ABHD6: variants seen among roughly 807,000 people sequenced by gnomAD.
ABHD6 encodes the protein monoacylglycerol lipase ABHD6.
Under a neutral mutation model 38.8 loss-of-function variants are expected in ABHD6, and 33 were observed. That is an observed-to-expected ratio of 0.85 (90% confidence interval 0.64 to 1.14). The LOEUF is 1.14. ABHD6 is among the 50% of genes most tolerant of loss of function. ABHD6 has a pLI of 0.00. For synonymous variants in ABHD6, 147 were observed against 161.6 expected (o/e 0.91, Z 0.69); for missense variants, 380 against 422.6 (o/e 0.90, Z 0.88).
chr3:58,244,582 T>G (rs950283757), intron 1 of ABHD6, among the ~76,000 whole-genome samples: 1 of 151,944 alleles, frequency 6.6e-6, no homozygotes, highest in African/African-American at 2.4e-5. Context: ...CTGGGTAACA[T>G]AGAGAGACCC....
chr3:58,274,885 C>A, intron 7 of ABHD6, 70 bp downstream of exon 7: 1 of 1,527,042 alleles, frequency 6.5e-7, no homozygotes, highest in Non-Finnish European at 8.9e-7. Context: ...GCTTCCTGCA[C>A]GTATTCCCTC....
chr3:58,291,905 G>A (rs538635211), intron 9 of ABHD6, among the ~76,000 whole-genome samples: 18 of 152,242 alleles, frequency 1.2e-4, no homozygotes, highest in Non-Finnish European at 1.8e-4. Flanking sequence ...AGCCATGATC[G>A]TGCCACTGCA....
chr3:58,243,163 A>T (rs1257882569), intron 1 of ABHD6, among the ~76,000 whole-genome samples: 2 of 152,184 alleles, frequency 1.3e-5, no homozygotes, highest in Non-Finnish European at 2.9e-5. Flanking sequence ...GCTATTGTGA[A>T]TAGTGCTGCA....
At chr3:58,253,731 CAGA>C (rs2097431460) in intron 2 of ABHD6, among the ~76,000 whole-genome samples, 1 of 152,172 alleles carries the variant, frequency 6.6e-6, no homozygotes, top group Non-Finnish European at 1.5e-5. Context: ...GCTCTGGTTC[CAGA>C]AGGAGAAGCA....
intron 9 of ABHD6, among the ~76,000 whole-genome samples, chr3:58,288,315 G>A (rs1397373742): frequency 1.3e-5 from 2 of 152,174 alleles, no homozygotes; most frequent in African/African-American, 4.8e-5. Context: ...CACAGCTGCA[G>A]GGGGAGCCAT....
At position 58,265,451 on chromosome 3, in the gene ABHD6, G is replaced by T. The variant is rs1484433846; in HGVS notation, c.120-1738G>T. On this transcript the variant is annotated intron_variant, in intron 3 of 9. Coordinates refer to ENST00000478253, the MANE Select transcript of ABHD6 (RefSeq NM_001320126.2). This position sits in a 1 kb window ranked among gnomAD's most constrained non-coding sequence, Gnocchi z 4.2. ...TTTTTCCTTTTAATTTTTGGCAAAT[G>T]ATGTATTTGGAAGGACAAAATCATC... 1.3e-5 allele frequency among the ~76,000 whole-genome samples: 2 copies of T among 152,108 alleles called. No individual in the cohort carries two copies. The highest frequency in any genetic ancestry group is 6.6e-5 in the Admixed American group (1 of 15,264).
chr3:58,257,871 T>C lies in ABHD6; in HGVS notation c.119+1166T>C, dbSNP rs146441775. ...TCTTGTACCACTGTTATTATTCTTG[T>C]CCTATCTGGATACCACCTGTCCTTT... is the stretch of plus-strand genomic sequence containing the variant. On this transcript the variant is annotated intron_variant, in intron 3 of 9. Coordinates refer to ENST00000478253, the MANE Select transcript of ABHD6 (RefSeq NM_001320126.2). The surrounding 1 kb of genome is among the most constrained non-coding windows in gnomAD (Gnocchi z 4.8). 6.6e-6 allele frequency among the ~76,000 whole-genome samples: 1 copy of C among 152,180 alleles called. No individual in the cohort carries two copies. The highest frequency in any genetic ancestry group is 6.5e-5 in the Admixed American group (1 of 15,268).
At chr3:58,289,159 A>G (rs1311811068) in intron 9 of ABHD6, among the ~76,000 whole-genome samples, 3 of 152,168 alleles carry the variant, frequency 2.0e-5, no homozygotes, top group Admixed American at 1.3e-4. Flanking sequence ...AGCTCAAGCA[A>G]TGCTCCCACC....
intron 1 of ABHD6, among the ~76,000 whole-genome samples, chr3:58,248,445 C>G (rs1384492119): frequency 2.6e-5 from 4 of 152,184 alleles, no homozygotes; most frequent in Admixed American, 1.3e-4. Flanking sequence ...CGCCTGTAAT[C>G]CCAGCACTTT....
At chr3:58,275,424 G>A (rs1263696397) in intron 7 of ABHD6, among the ~76,000 whole-genome samples, 1 of 151,030 alleles carries the variant, frequency 6.6e-6, no homozygotes, top group Non-Finnish European at 1.5e-5. Context: ...CTGCCTCCCA[G>A]GTTCAAGCGA....
At chr3:58,258,980 A>G (rs768937872) in intron 3 of ABHD6, among the ~76,000 whole-genome samples, 11 of 152,160 alleles carry the variant, frequency 7.2e-5, no homozygotes, top group Non-Finnish European at 1.5e-4. Flanking sequence ...TTTGTGGGCT[A>G]AGGCTCCTGG....
rs2097420857 is a variant in ABHD6 at position 58,238,826 on chromosome 3, C to T, written c.-91+910C>T. Among the ~76,000 whole-genome samples, 1 of 152,120 alleles carries T rather than the reference C, an allele frequency of 6.6e-6. No homozygotes were observed. The highest frequency in any genetic ancestry group is 2.1e-4 in the South Asian group (1 of 4,824). ...ACCTGGAGGCCCTCATTTATCTCGC[C>T]GCCCCCCTCCCCGCTGCTCCCGCCT... On this transcript the variant is annotated intron_variant, in intron 1 of 9. Coordinates refer to ENST00000478253, the MANE Select transcript of ABHD6 (RefSeq NM_001320126.2). This position sits in a 1 kb window ranked among gnomAD's most constrained non-coding sequence, Gnocchi z 6.9.
intron 1 of ABHD6, among the ~76,000 whole-genome samples, chr3:58,244,864 A>G (rs2097425241): frequency 3.3e-5 from 5 of 152,222 alleles, no homozygotes. Flanking sequence ...TTTTATTTAG[A>G]TAAAGTACTA....
In ABHD6 at chr3:58,253,825, A is replaced by C. The variant is rs144031471; in HGVS notation, c.-25-2737A>C. On this transcript the variant is annotated intron_variant, in intron 2 of 9. Transcript: ENST00000478253. ...GGGCAATTGCATCAGAGACAAAGACAGTGCTTATGCCCTGGGAAGGTGGCA... is the reference window on the plus strand; with the variant it reads ...GGGCAATTGCATCAGAGACAAAGACCGTGCTTATGCCCTGGGAAGGTGGCA... Among the ~76,000 whole-genome samples the C allele has an allele frequency of 3.7e-4, 57 of 152,332 alleles. 1 individual carries two copies. The highest frequency in any genetic ancestry group is 1.4e-3 in the African/African-American group (57 of 41,580).
chr3:58,279,845 A>T (rs569831488), intron 7 of ABHD6, among the ~76,000 whole-genome samples: 123 of 152,252 alleles, frequency 8.1e-4, no homozygotes, highest in African/African-American at 2.9e-3. Context: ...TCCCTCACTT[A>T]TGAAGCTTAG....
chr3:58,243,723 C>T (rs556670441), intron 1 of ABHD6, among the ~76,000 whole-genome samples: 3 of 151,834 alleles, frequency 2.0e-5, no homozygotes, highest in African/African-American at 4.8e-5. Context: ...CGCAGTGGCA[C>T]GAACTTGGCT....
At chr3:58,242,163 CTGGGGGTTG>C (rs1256584273) in intron 1 of ABHD6, among the ~76,000 whole-genome samples, 4 of 152,046 alleles carry the variant, frequency 2.6e-5, no homozygotes, top group Non-Finnish European at 4.4e-5. Context: ...CACGGCATGT[CTGGGGGTTG>C]CAGATCATTA....
chr3:58,247,616 AC>A (rs1350734607), intron 1 of ABHD6, among the ~76,000 whole-genome samples: 1 of 152,064 alleles, frequency 6.6e-6, no homozygotes, highest in African/African-American at 2.4e-5. Flanking sequence ...TCGCTCTGTC[AC>A]CCAGGCTGGA....
chr3:58,264,212 C>A (rs1042274514), intron 3 of ABHD6, among the ~76,000 whole-genome samples: 1 of 152,116 alleles, frequency 6.6e-6, no homozygotes, highest in Non-Finnish European at 1.5e-5. Context: ...ATAACGCTGG[C>A]TGGAACACTT....
Sources: gnomAD v4.1 joint callset for allele counts (sites outside exome capture counted in the v4.1 genomes callset) on GRCh38, gnomAD v4.1.1 for gene constraint, Gnocchi (gnomAD v3.1) non-coding constraint, MANE v1.5 for transcripts, NCBI Gene and HGNC (gene_info 2026-07-23, HGNC 2026-07-21) for gene names.